SAMD14: variants seen among roughly 807,000 people sequenced by gnomAD.
SAMD14 encodes the protein sterile alpha motif domain-containing protein 14.
A neutral mutation model predicts 46.2 loss-of-function variants in SAMD14; 27 were observed. The ratio of observed to expected loss-of-function variants is 0.58; its 90% CI spans 0.43 to 0.81. SAMD14 has a LOEUF of 0.81. Among genes scored for constraint, SAMD14 ranks in the 30% least tolerant of loss-of-function variants. The pLI is 0.00. For synonymous variants in SAMD14, 241 were observed against 254.3 expected, an observed-to-expected ratio of 0.95 and a Z score of 0.50; for missense variants, 559 against 582.2, an observed-to-expected ratio of 0.96 and a Z score of 0.41.
Position 50,113,707 on chromosome 17 carries a change from G to A in SAMD14, c.1098+217C>T. 1.2e-5 allele frequency: 7 copies of A among 586,204 alleles called. No individual in the cohort carries two copies. In the South Asian group the frequency reaches 1.4e-4, roughly 12 times the overall value. 36.3% of individuals were successfully genotyped at this position (586,204 alleles called of 1,614,324 possible). A position where few individuals can be genotyped will look rare whatever the true frequency, so the allele number is the denominator to read the frequency against. ...AAGGTCACACTGAAGTCATGGACTA[G>A]AGTTTCAAGTCAAACTAGGGATTCA... On this transcript the variant is annotated intron_variant, in intron 9 of 9. Coordinates refer to ENST00000330175, the MANE Select transcript of SAMD14 (RefSeq NM_001257359.2).
At chr17:50,114,407 T>C (rs770277039) in intron 7 of SAMD14, 101 bp from the exon 8 acceptor site, 2 of 1,613,820 alleles carry the variant, frequency 1.2e-6, no homozygotes. Context: ...CAGGAGTTGC[T>C]CAGTGCCTCC....
chr17:50,114,171 G>A lies in SAMD14; in HGVS notation c.942+16C>T. ...AGGTCAGGACTCCGTGGGCACCCTGGGCCAGCCTTGCTCACCTCATCTGAA... is the reference window on the plus strand; with the variant it reads ...AGGTCAGGACTCCGTGGGCACCCTGAGCCAGCCTTGCTCACCTCATCTGAA... On this transcript the variant is annotated intron_variant, in intron 8 of 9. Coordinates refer to ENST00000330175, the MANE Select transcript of SAMD14 (RefSeq NM_001257359.2). 1 of 1,614,112 alleles carries A rather than the reference G, an allele frequency of 6.2e-7. No individual in the cohort carries two copies. Among genetic ancestry groups the A allele is most frequent in the Non-Finnish European group, 8.5e-7 (1 of 1,180,028 alleles).
chr17:50,111,410 G>A lies in SAMD14; in HGVS notation c.*1483C>T, dbSNP rs1470906918. 6.6e-6 allele frequency: 1 copy of A among 152,260 alleles called. No homozygotes were observed. The highest frequency in any genetic ancestry group is 2.4e-5 in the African/African-American group (1 of 41,456). The allele number at this position is 152,260 out of a possible 1,614,324, so 9.4% of individuals were successfully genotyped here. On this transcript the variant is annotated 3_prime_UTR_variant, in exon 10 of 10. Transcript: ENST00000330175. Reference sequence around the variant, plus strand: ...CCACTATAGCTACTGATGGCTTTAAGGATGTGGGTGCCTTCCAACCTCCCA... The same window carrying A: ...CCACTATAGCTACTGATGGCTTTAAAGATGTGGGTGCCTTCCAACCTCCCA...
At chr17:50,121,072 AC>A (rs978082470) in intron 2 of SAMD14, among the ~76,000 whole-genome samples, 1 of 152,154 alleles carries the variant, frequency 6.6e-6, no homozygotes, top group Non-Finnish European at 1.5e-5. Flanking sequence ...TGCTTAGCAC[AC>A]CCTTTTAATG....
At chr17:50,127,241 G>C (rs1386585461) in intron 1 of SAMD14, among the ~76,000 whole-genome samples, 1 of 152,044 alleles carries the variant, frequency 6.6e-6, no homozygotes, top group Non-Finnish European at 1.5e-5. Context: ...CAGTTTAGGG[G>C]TGGAGGAAGA....
At chr17:50,124,893 G>C (rs755859224) in intron 2 of SAMD14, 24 bp downstream of exon 2, 2 of 1,612,214 alleles carry the variant, frequency 1.2e-6, no homozygotes, top group Non-Finnish European at 1.7e-6. Context: ...CTATTGGCTA[G>C]AGATAGAGCC....
At chr17:50,114,357 C>T in intron 7 of SAMD14, 51 bp from the exon 8 acceptor site, 3 of 1,614,074 alleles carry the variant, frequency 1.9e-6, no homozygotes, top group Non-Finnish European at 2.5e-6. Flanking sequence ...CCCAACCCAC[C>T]ATCCCTATCT....
intron 9 of SAMD14, 190 bp downstream of exon 9, chr17:50,113,734 G>A: frequency 1.6e-6 from 1 of 623,876 alleles, no homozygotes; most frequent in East Asian, 2.8e-5. Flanking sequence ...AGGGATTCAT[G>A]CTACAACTCA....
intron 2 of SAMD14, among the ~76,000 whole-genome samples, chr17:50,123,214 C>T (rs1355490679): frequency 1.3e-5 from 2 of 152,200 alleles, no homozygotes. Context: ...GGTGAGGAGC[C>T]GGTCAGGGTT....
chr17:50,124,148 G>T (rs191933028), intron 2 of SAMD14: 2 of 456,216 alleles, frequency 4.4e-6, no homozygotes, highest in South Asian at 1.5e-5. Context: ...CCGGAATCCC[G>T]CTGGGAAACC....
In SAMD14 at chr17:50,124,917, C is replaced by G. The variant is rs770925523; in HGVS notation, c.43G>C (p.Asp15His). 1 of 1,613,780 alleles carries G rather than the reference C, an allele frequency of 6.2e-7. No individual in the cohort carries two copies. The highest frequency in any genetic ancestry group is 8.5e-7 in the Non-Finnish European group (1 of 1,179,930). ...AGAGATAGAGCCACACAGAACTTAC[C>G]AAAAACTTCATCCACGGGTTCTCGG... is the stretch of plus-strand genomic sequence containing the variant. Reference protein sequence around the residue: ...KLREPVDEVFDLDLAVPETAR... With the variant: ...KLREPVDEVFHLDLAVPETAR... The change falls in exon 2 of 10, where the codon GAC becomes CAC. Residue 15 changes from aspartate to histidine, a missense_variant and splice_region_variant. Transcript: ENST00000330175.
rs1052648898 is a variant in SAMD14, at chr17:50,117,572, C to T, written c.334G>A (p.Asp112Asn). 3.9e-6 allele frequency: 6 copies of T among 1,551,432 alleles called. No individual in the cohort carries two copies. Among genetic ancestry groups the T allele is most frequent in the Non-Finnish European group, 5.2e-6 (6 of 1,158,926 alleles). The change falls in exon 4 of 10, where the codon GAC becomes AAC. Residue 112 changes from aspartate to asparagine, a missense_variant. Asp to Asn is a conservative substitution (Grantham distance 23). Coordinates refer to ENST00000330175, the MANE Select transcript of SAMD14 (RefSeq NM_001257359.2). The stretch of plus-strand genomic sequence containing the variant: ...GTGAGCGGCGAGGGCGGCGGCTCGT[C>T]CTCGTCCAGGCTGCGCCGCAACCCC... ...PPGLRRSLDE[D>N]EPPPSPLTRY...
At chr17:50,114,356 C>G (rs1911062214) in intron 7 of SAMD14, 50 bp from the exon 8 acceptor site, 1 of 1,614,118 alleles carries the variant, frequency 6.2e-7, no homozygotes. Context: ...CCCCAACCCA[C>G]CATCCCTATC....
intron 7 of SAMD14, 149 bp from the exon 8 acceptor site, chr17:50,114,455 T>C (rs1911070660): frequency 1.2e-6 from 2 of 1,608,246 alleles, no homozygotes; most frequent in Non-Finnish European, 1.7e-6. Flanking sequence ...ACACAGGACA[T>C]GATAACTCAT....
intron 2 of SAMD14, among the ~76,000 whole-genome samples, chr17:50,122,018 G>A (rs921428189): frequency 2.0e-5 from 3 of 152,158 alleles, no homozygotes; most frequent in Non-Finnish European, 2.9e-5. Flanking sequence ...CTCAACAGGC[G>A]CTCGCTGGTG....
Position 50,129,105 on chromosome 17 carries a change from C to A in SAMD14, c.-13+412G>T, listed in dbSNP as rs948795560. On this transcript the variant is annotated intron_variant, in intron 1 of 9. Transcript: ENST00000330175. This position sits in a 1 kb window ranked among gnomAD's most constrained non-coding sequence, Gnocchi z 5.6. ...CAGGCTTGGGGTAGTCCTCAGGAGT[C>A]GGGCACCCCCTCAAAGCACTGTTGG... is the stretch of plus-strand genomic sequence containing the variant. Among the ~76,000 whole-genome samples, 18 of 152,084 alleles carry A rather than the reference C, an allele frequency of 1.2e-4. No homozygotes were observed. The highest frequency in any genetic ancestry group is 4.3e-4 in the African/African-American group (18 of 41,404).
chr17:50,118,064 T>C (rs1911323608), intron 3 of SAMD14, 97 bp downstream of exon 3: 3 of 1,313,746 alleles, frequency 2.3e-6, no homozygotes, highest in Non-Finnish European at 3.1e-6. Context: ...TCTGGGGATG[T>C]GGTTTCCCTG....
chr17:50,114,408 C>G, intron 7 of SAMD14, 102 bp from the exon 8 acceptor site: 1 of 1,613,940 alleles, frequency 6.2e-7, no homozygotes, highest in South Asian at 1.1e-5. Flanking sequence ...AGGAGTTGCT[C>G]AGTGCCTCCT....
Position 50,110,817 on chromosome 17 carries a change from C to T in SAMD14, c.*2076G>A, listed in dbSNP as rs1910789602. ...CATGTCCTCACATGCTCATGCCCACCCGCTCCTCCACAAGCCTAGTCCATC... is the reference window on the plus strand; with the variant it reads ...CATGTCCTCACATGCTCATGCCCACTCGCTCCTCCACAAGCCTAGTCCATC... On this transcript the variant is annotated 3_prime_UTR_variant, in exon 10 of 10. Coordinates refer to ENST00000330175, the MANE Select transcript of SAMD14 (RefSeq NM_001257359.2). 6.6e-6 allele frequency: 1 copy of T among 152,366 alleles called. No individual in the cohort carries two copies. The highest frequency in any genetic ancestry group is 1.5e-5 in the Non-Finnish European group (1 of 68,160). The allele number at this position is 152,366 out of a possible 1,614,324, so 9.4% of individuals were successfully genotyped here.
Sources: gnomAD v4.1 joint callset for allele counts (sites outside exome capture counted in the v4.1 genomes callset) on GRCh38, gnomAD v4.1.1 for gene constraint, Gnocchi (gnomAD v3.1) non-coding constraint, MANE v1.5 for transcripts, NCBI Gene and HGNC (gene_info 2026-07-23, HGNC 2026-07-21) for gene names.